Variants in IRAG1 observed in about 807,000 individuals in gnomAD.
IRAG1 encodes IP3R-associated cGMP kinase substrate.
In IRAG1, 62 loss-of-function variants were observed where a neutral mutation model predicts 106.2. That is an observed-to-expected ratio of 0.58 (90% CI 0.48 to 0.72). The LOEUF (loss-of-function observed/expected upper bound fraction) is 0.72. Ranked by LOEUF, IRAG1 falls within the 30% of genes least tolerant of loss-of-function variation. The pLI is 0.00. For synonymous variants in IRAG1, 462 were observed against 443.9 expected, an observed-to-expected ratio of 1.04 and a Z score of -0.51; for missense variants, 1,064 against 1,140.7, an observed-to-expected ratio of 0.93 and a Z score of 0.97.
At chr11:10,580,096 G>C (rs987343788) in intron 20 of IRAG1, among the ~76,000 whole-genome samples, 2 of 152,156 alleles carry the variant, frequency 1.3e-5, no homozygotes, top group African/African-American at 4.8e-5. Context: ...CATGGGGATG[G>C]CTACCCATAA....
At chr11:10,654,493 T>C (rs1336866537) in intron 1 of IRAG1, among the ~76,000 whole-genome samples, 1 of 152,160 alleles carries the variant, frequency 6.6e-6, no homozygotes, top group African/African-American at 2.4e-5. Context: ...TCAAGAAATC[T>C]CAAGTAGACC....
At chr11:10,680,856 G>A (rs530963595) in intron 1 of IRAG1, among the ~76,000 whole-genome samples, 7 of 152,264 alleles carry the variant, frequency 4.6e-5, no homozygotes, top group Non-Finnish European at 7.4e-5. Flanking sequence ...CCTTGGGGCC[G>A]GGCGGGTTAG....
chr11:10,649,063 C>T (rs1189689624), intron 2 of IRAG1, among the ~76,000 whole-genome samples: 1 of 152,202 alleles, frequency 6.6e-6, no homozygotes, highest in African/African-American at 2.4e-5. Flanking sequence ...TCCTGGCCAA[C>T]CCCGCTTCCT....
Position 10,623,828 on chromosome 11 carries a change from A to C in IRAG1, c.1397T>G (p.Leu466Ter), listed in dbSNP as rs1480800216. ...AAGGTCTGGAAGCTTGAGCCCCACT[A>C]AGTTCTGATTTCTCATCAGGATGTG... The part of the protein sequence containing the change: ...EEHILMRNQN[L>*]VGLKLPDLSE... Residue 466 changes from leucine (L) to a stop codon, truncating the protein, a stop_gained, in exon 10 of 21, where the codon TTA becomes TGA. Coordinates refer to ENST00000423302, the MANE Select transcript of IRAG1 (RefSeq NM_130385.4). LOFTEE classifies it high-confidence loss of function. The C allele has an allele frequency of 6.2e-7, 1 of 1,614,006 alleles. No individual in the cohort carries two copies.
intron 7 of IRAG1, 32 bp downstream of exon 7, chr11:10,627,941 G>A: frequency 6.3e-7 from 1 of 1,590,352 alleles, no homozygotes; most frequent in Non-Finnish European, 8.6e-7. Context: ...CATTGGCATA[G>A]AAACAGCACA....
intron 1 of IRAG1, among the ~76,000 whole-genome samples, chr11:10,679,264 C>T (rs368731178): frequency 2.0e-5 from 3 of 152,314 alleles, no homozygotes; most frequent in Admixed American, 6.5e-5. Context: ...TAGGTACATT[C>T]GCAATGTTGT....
In IRAG1 at chr11:10,603,261, A is replaced by G; in HGVS notation, c.1744-10T>C. ...AGAGTGAAGCTGAGGACTGAACAGGAGTAGGAGCATCACCTGGGGTCCTCA... is the reference window on the plus strand; with the variant it reads ...AGAGTGAAGCTGAGGACTGAACAGGGGTAGGAGCATCACCTGGGGTCCTCA... On this transcript the variant is annotated splice_polypyrimidine_tract_variant and intron_variant, in intron 13 of 20. Transcript: ENST00000423302. The G allele has an allele frequency of 6.2e-7, 1 of 1,613,240 alleles. No homozygotes were observed. The highest frequency in any genetic ancestry group is 8.5e-7 in the Non-Finnish European group (1 of 1,179,700).
intron 2 of IRAG1, among the ~76,000 whole-genome samples, chr11:10,648,085 T>C (rs949313267): frequency 6.6e-6 from 1 of 152,038 alleles, no homozygotes; most frequent in Non-Finnish European, 1.5e-5. Context: ...ATTCCTACCC[T>C]GGGCCCGGTG....
chr11:10,687,880 G>GT (rs1408186479), intron 1 of IRAG1: 1 of 1,059,446 alleles, frequency 9.4e-7, no homozygotes, highest in African/African-American at 1.7e-5. Flanking sequence ...TTTTTTTGGG[G>GT]GGGGGTGGTA....
In IRAG1 at chr11:10,625,864, G is replaced by A. The variant is rs1856201520; in HGVS notation, c.1368+102C>T. Reference sequence around the variant, plus strand: ...ACGCCCTCACAAGGCCCAAGTCCAGGCCAGAGCTGCCCTGGCCAGGGGCCC... The same window carrying A: ...ACGCCCTCACAAGGCCCAAGTCCAGACCAGAGCTGCCCTGGCCAGGGGCCC... On this transcript the variant is annotated intron_variant, in intron 9 of 20. Transcript: ENST00000423302. 1.1e-5 allele frequency: 13 copies of A among 1,212,436 alleles called. No individual in the cohort carries two copies. In the South Asian group the frequency reaches 3.9e-4, roughly 36 times the overall value. 75.1% of individuals were successfully genotyped at this position (1,212,436 alleles called of 1,614,324 possible). A position where few individuals can be genotyped will look rare whatever the true frequency, so the allele number is the denominator to read the frequency against.
rs1381230136 is a variant in IRAG1, at chr11:10,626,519, A to T, written c.815T>A (p.Leu272Gln). ...NDQRKVSQGR[L>Q]APRPPPVEKS... ...CTCAACTGGAGGAGGACGAGGAGCC[A>T]GCCTGCCCTGAGACACTTTCCTCTG... The change falls in exon 9 of 21, where the codon CTG becomes CAG. Residue 272 changes from leucine (L) to glutamine (Q), a missense_variant. Transcript: ENST00000423302. The T allele has an allele frequency of 6.2e-7, 1 of 1,613,504 alleles. No individual in the cohort carries two copies. The highest frequency in any genetic ancestry group is 2.2e-5 in the East Asian group (1 of 44,876).
chr11:10,657,524 T>C lies in IRAG1; in HGVS notation c.68-5342A>G, dbSNP rs1388839845. Among the ~76,000 whole-genome samples the C allele has an allele frequency of 6.6e-6, 1 of 152,200 alleles. No individual in the cohort carries two copies. The highest frequency in any genetic ancestry group is 2.4e-5 in the African/African-American group (1 of 41,446). On this transcript the variant is annotated intron_variant, in intron 1 of 20. Coordinates refer to ENST00000423302, the MANE Select transcript of IRAG1 (RefSeq NM_130385.4). This position sits in a 1 kb window ranked among gnomAD's most constrained non-coding sequence, Gnocchi z 4.1. ...GATTCTCTCTGTGAATCTTTGAGCA[T>C]TGAGGGAAGAGCCAAGAAGCCCTTT...
chr11:10,670,713 T>A (rs1390573), intron 1 of IRAG1, among the ~76,000 whole-genome samples: 59,845 of 151,966 alleles, frequency 0.39, 12,060 homozygotes, highest in African/African-American at 0.45. Flanking sequence ...AATGAGGCCA[T>A]TAGAATAGAC....
At chr11:10,642,575 G>A (rs1352407363) in intron 2 of IRAG1, among the ~76,000 whole-genome samples, 3 of 152,210 alleles carry the variant, frequency 2.0e-5, no homozygotes, top group African/African-American at 4.8e-5. Flanking sequence ...TGAAGAAGTC[G>A]GGTAGGCCTA....
At chr11:10,629,444 C>T (rs1053211092) in intron 5 of IRAG1, 94 bp downstream of exon 5, 26 of 1,371,270 alleles carry the variant, frequency 1.9e-5, no homozygotes, top group African/African-American at 1.3e-4. Flanking sequence ...GCGACCTCCT[C>T]GGAGGTGAGG....
At chr11:10,610,653 T>A (rs1854873696) in intron 10 of IRAG1, among the ~76,000 whole-genome samples, 1 of 152,168 alleles carries the variant, frequency 6.6e-6, no homozygotes, top group South Asian at 2.1e-4. Flanking sequence ...ACATTCTGGT[T>A]TGTTGCTGTT....
At chr11:10,691,885 T>C (rs4910170) in intron 1 of IRAG1, among the ~76,000 whole-genome samples, 108,899 of 151,964 alleles carry the variant, frequency 0.72, 39,235 homozygotes, top group East Asian at 0.87. Context: ...AGCTGTGCAG[T>C]CTCTCTGTGC....
At position 10,626,329 on chromosome 11, in the gene IRAG1, C is replaced by T; in HGVS notation, c.1005G>A (p.Leu335=). 6.2e-7 allele frequency: 1 copy of T among 1,613,522 alleles called. No individual in the cohort carries two copies. Reference sequence around the variant, plus strand: ...GAGGGCTGCCCTCCCAGCCCGTTTTCAAGAGCTGCTTCCCCAGCTCGCTCT... The same window carrying T: ...GAGGGCTGCCCTCCCAGCCCGTTTTTAAGAGCTGCTTCCCCAGCTCGCTCT... The part of the protein sequence containing the change: ...PVESELGKQL[L]KTGWEGSPLP... Residue 335 remains leucine (L), a synonymous_variant, in exon 9 of 21, where the codon TTG becomes TTA. Coordinates refer to ENST00000423302, the MANE Select transcript of IRAG1 (RefSeq NM_130385.4).
At chr11:10,682,613 A>C (rs562497868) in intron 1 of IRAG1, among the ~76,000 whole-genome samples, 1 of 152,308 alleles carries the variant, frequency 6.6e-6, no homozygotes, top group South Asian at 2.1e-4. Context: ...ACAAGGTTTA[A>C]AAAAACCCAT....
Sources: allele counts gnomAD v4.1 joint callset (sites outside exome capture counted in the v4.1 genomes callset), GRCh38; gene constraint gnomAD v4.1.1; non-coding constraint Gnocchi (gnomAD v3.1); transcripts MANE v1.5; gene names NCBI Gene and HGNC (gene_info 2026-07-23, HGNC 2026-07-21).